ANKRD29: variants seen among roughly 807,000 people sequenced by gnomAD.
ANKRD29 encodes ankyrin repeat domain-containing protein 29.
Under a neutral mutation model 38.0 loss-of-function variants are expected in ANKRD29, and 32 were observed. The observed-to-expected ratio is 0.84, with a 90% CI of 0.64 to 1.13. ANKRD29 has a LOEUF of 1.13. ANKRD29 is among the 50% of genes most tolerant of loss of function. The probability of loss-of-function intolerance (pLI) is 0.00; values close to 1 mark genes in which losing one functional copy is unlikely to be tolerated. For missense variants in ANKRD29, 357 were observed against 377.9 expected, an observed-to-expected ratio of 0.94 and a Z score of 0.46; for synonymous variants, 135 against 152.4, an observed-to-expected ratio of 0.89 and a Z score of 0.84.
At chr18:23,650,855 A>G (rs1437215076) in intron 1 of ANKRD29, among the ~76,000 whole-genome samples, 2 of 152,222 alleles carry the variant, frequency 1.3e-5, no homozygotes, top group Non-Finnish European at 2.9e-5. Flanking sequence ...TTAAATCCAG[A>G]GTATTGGTAC....
intron 4 of ANKRD29, among the ~76,000 whole-genome samples, chr18:23,638,474 C>G (rs1400859321): frequency 6.6e-6 from 1 of 152,092 alleles, no homozygotes; most frequent in African/African-American, 2.4e-5. Flanking sequence ...CAATTCCTAT[C>G]ATAGTATCAG....
At chr18:23,651,896 T>A (rs574653577) in intron 1 of ANKRD29, among the ~76,000 whole-genome samples, 47 of 152,330 alleles carry the variant, frequency 3.1e-4, no homozygotes, top group African/African-American at 1.1e-3. Flanking sequence ...AGAGACATTT[T>A]AAGGAGCTAA....
intron 9 of ANKRD29, among the ~76,000 whole-genome samples, chr18:23,608,858 G>A (rs1198367510): frequency 6.6e-6 from 1 of 152,136 alleles, no homozygotes; most frequent in Admixed American, 6.6e-5. Context: ...AGGGCCGGGC[G>A]CGGTGGCTCA....
intron 6 of ANKRD29, among the ~76,000 whole-genome samples, chr18:23,620,958 G>A (rs1297326164): frequency 6.6e-6 from 1 of 152,198 alleles, no homozygotes; most frequent in Non-Finnish European, 1.5e-5. Flanking sequence ...CAGGCCAGCA[G>A]AGAATGGCGA....
chr18:23,607,099 C>A (rs1183436397), intron 9 of ANKRD29, among the ~76,000 whole-genome samples: 1 of 152,194 alleles, frequency 6.6e-6, no homozygotes, highest in African/African-American at 2.4e-5. Flanking sequence ...CTGGCTGGAA[C>A]CTCACTTGTT....
intron 5 of ANKRD29, among the ~76,000 whole-genome samples, chr18:23,630,189 C>T (rs1423778381): frequency 6.6e-6 from 1 of 152,028 alleles, no homozygotes; most frequent in Non-Finnish European, 1.5e-5. Flanking sequence ...CTTTGGGAGG[C>T]CGAGGCAGGT....
rs140168114 is a variant in ANKRD29 at position 23,612,432 on chromosome 18, G to A, written c.724-242C>T. ...AAGTGAAATAAGGAATAGGGCTGAG[G>A]GGACACATGACTTCATGGTCACTCA... On this transcript the variant is annotated intron_variant, in intron 8 of 9. Transcript: ENST00000592179. Among the ~76,000 whole-genome samples, 23 of 152,320 alleles carry A rather than the reference G, an allele frequency of 1.5e-4. No individual in the cohort carries two copies. The East Asian group carries it at 4.4e-3, about 29-fold the overall frequency.
intron 3 of ANKRD29, among the ~76,000 whole-genome samples, chr18:23,640,366 A>C (rs1037783693): frequency 3.3e-5 from 5 of 152,244 alleles, no homozygotes; most frequent in African/African-American, 7.2e-5. Flanking sequence ...AATTTGTCAC[A>C]GCAGCCCTTG....
In ANKRD29 at chr18:23,617,715, T is replaced by G; in HGVS notation, c.723+17A>C. 1.2e-6 allele frequency: 2 copies of G among 1,605,828 alleles called. No individual in the cohort carries two copies. The highest frequency in any genetic ancestry group is 1.7e-6 in the Non-Finnish European group (2 of 1,172,624). On this transcript the variant is annotated intron_variant, in intron 8 of 9. Coordinates refer to ENST00000592179, the MANE Select transcript of ANKRD29 (RefSeq NM_173505.4). The stretch of plus-strand genomic sequence containing the variant: ...CCTCTCTCTTACAGATTAGTAAAAT[T>G]TATCTTTAGGTCTTACCTTCAAAAT...
rs920747926 is a variant in ANKRD29, at chr18:23,630,036, G to A, written c.430-85C>T. On this transcript the variant is annotated intron_variant, in intron 5 of 9. Transcript: ENST00000592179. ...AATTAGGGCGGGTGCAGTGGCTCAT[G>A]CCTGTAATCACAGCACTTTGGGAGG... 3.5e-6 allele frequency: 4 copies of A among 1,130,778 alleles called. No homozygotes were observed. In the African/African-American group the frequency reaches 4.6e-5, roughly 13 times the overall value. The allele number at this position is 1,130,778 out of a possible 1,614,324, so 70.0% of individuals were successfully genotyped here.
intron 6 of ANKRD29, chr18:23,619,952 C>A (rs2059776020): frequency 3.4e-6 from 1 of 293,976 alleles, no homozygotes; most frequent in Non-Finnish European, 6.3e-6. Context: ...TGGAAAGATG[C>A]GTGGGAACCT....
chr18:23,616,498 C>T (rs2059719233), intron 8 of ANKRD29, among the ~76,000 whole-genome samples: 1 of 144,144 alleles, frequency 6.9e-6, no homozygotes, highest in Admixed American at 7.1e-5. Context: ...GCTTGGGCAA[C>T]AGAGTGAAAC....
intron 6 of ANKRD29, among the ~76,000 whole-genome samples, chr18:23,623,354 G>A (rs529040366): frequency 3.3e-5 from 5 of 152,076 alleles, no homozygotes; most frequent in Non-Finnish European, 7.4e-5. Context: ...GTGAGTTAGA[G>A]CATTATTGTC....
chr18:23,640,660 C>T (rs966602122), intron 3 of ANKRD29, among the ~76,000 whole-genome samples: 1 of 152,194 alleles, frequency 6.6e-6, no homozygotes, highest in African/African-American at 2.4e-5. Context: ...TTCCTATCTA[C>T]TTTTACAAGT....
intron 1 of ANKRD29, among the ~76,000 whole-genome samples, chr18:23,655,286 T>C (rs2060264476): frequency 6.6e-6 from 1 of 151,736 alleles, no homozygotes; most frequent in Non-Finnish European, 1.5e-5. Context: ...TCACTCCCTT[T>C]GGAACTTAGG....
At chr18:23,630,223 G>A (rs1398359125) in intron 5 of ANKRD29, among the ~76,000 whole-genome samples, 2 of 152,152 alleles carry the variant, frequency 1.3e-5, no homozygotes, top group African/African-American at 4.8e-5. Flanking sequence ...TCCGGAGTTC[G>A]AGACCAGCCT....
intron 8 of ANKRD29, among the ~76,000 whole-genome samples, chr18:23,615,648 G>A (rs764852490): frequency 5.9e-5 from 9 of 151,970 alleles, no homozygotes; most frequent in Non-Finnish European, 8.8e-5. Context: ...TTGGATTCAA[G>A]CGATCCACCT....
chr18:23,623,719 T>G (rs1598483551), intron 6 of ANKRD29, among the ~76,000 whole-genome samples: 2 of 151,968 alleles, frequency 1.3e-5, no homozygotes, highest in Admixed American at 1.3e-4. Context: ...CTTGGCTCAC[T>G]GCAAGCTCCG....
intron 7 of ANKRD29, 85 bp from the exon 8 acceptor site, chr18:23,617,912 C>A (rs2059745634): frequency 9.4e-6 from 10 of 1,068,490 alleles, no homozygotes; most frequent in South Asian, 2.7e-5. Context: ...TGGAAAGTAC[C>A]GTTGTCAGAA....
Sources: allele counts gnomAD v4.1 joint callset (sites outside exome capture counted in the v4.1 genomes callset), GRCh38; gene constraint gnomAD v4.1.1; transcripts MANE v1.5; gene names NCBI Gene and HGNC (gene_info 2026-07-23, HGNC 2026-07-21).